IQSEC1: variants seen among roughly 807,000 people sequenced by gnomAD.
The protein encoded by IQSEC1 is IQ motif and Sec7 domain ArfGEF 1.
Under a neutral mutation model 91.0 loss-of-function variants are expected in IQSEC1, and 31 were observed. The observed-to-expected ratio is 0.34, with a 90% CI of 0.26 to 0.46. The LOEUF is 0.46. Among genes scored for constraint, IQSEC1 ranks in the 20% least tolerant of loss-of-function variants. The probability of loss-of-function intolerance (pLI) is 1.00; values close to 1 mark genes in which losing one functional copy is unlikely to be tolerated. For synonymous variants in IQSEC1, 699 were observed against 662.6 expected, an observed-to-expected ratio of 1.05 and a Z score of -0.84; for missense variants, 1,388 against 1,575.6, an observed-to-expected ratio of 0.88 and a Z score of 2.02.
intron 1 of IQSEC1, among the ~76,000 whole-genome samples, chr3:13,052,111 C>T (rs549112162): frequency 3.9e-5 from 6 of 152,276 alleles, no homozygotes; most frequent in Admixed American, 3.3e-4. Context: ...CCACATGGTT[C>T]CCTCTCACCT....
intron 1 of IQSEC1, among the ~76,000 whole-genome samples, chr3:12,993,497 T>G (rs1702084973): frequency 1.4e-5 from 2 of 147,128 alleles, no homozygotes; most frequent in South Asian, 2.2e-4. Flanking sequence ...AGAAGCAGGG[T>G]AGTGCGGAGT....
At chr3:13,051,190 T>C (rs556208672) in intron 1 of IQSEC1, among the ~76,000 whole-genome samples, 1 of 152,226 alleles carries the variant, frequency 6.6e-6, no homozygotes, top group Non-Finnish European at 1.5e-5. Context: ...CTCCAGCCCC[T>C]CCTCCATCCT....
intron 1 of IQSEC1, among the ~76,000 whole-genome samples, chr3:13,029,510 G>C (rs1703758469): frequency 6.6e-6 from 1 of 152,192 alleles, no homozygotes; most frequent in African/African-American, 2.4e-5. Context: ...TTTGTTGCAG[G>C]CTGTGCCTAT....
chr3:13,137,863 T>C (rs1272662303), intron 2 of IQSEC1, among the ~76,000 whole-genome samples: 2 of 152,112 alleles, frequency 1.3e-5, no homozygotes, highest in Admixed American at 6.5e-5. Context: ...AATGCACATA[T>C]ATAATATGCA....
At chr3:13,058,646 C>T (rs1204512227) in intron 1 of IQSEC1, among the ~76,000 whole-genome samples, 1 of 152,176 alleles carries the variant, frequency 6.6e-6, no homozygotes, top group Admixed American at 6.5e-5. Context: ...GAACCCACCC[C>T]CAGCCTGTGG....
intron 1 of IQSEC1, among the ~76,000 whole-genome samples, chr3:13,014,778 C>A (rs1000501213): frequency 2.0e-5 from 3 of 152,152 alleles, no homozygotes; most frequent in Non-Finnish European, 4.4e-5. Context: ...CAGCTCAGAA[C>A]CCAGGGAACA....
chr3:13,198,727 G>A (rs1162966056), intron 1 of IQSEC1, among the ~76,000 whole-genome samples: 3 of 152,216 alleles, frequency 2.0e-5, no homozygotes, highest in African/African-American at 7.2e-5. Flanking sequence ...GTCTTAGCCT[G>A]TGTTTCTCCA....
intron 2 of IQSEC1, among the ~76,000 whole-genome samples, chr3:13,152,119 A>G (rs997799090): frequency 6.6e-6 from 1 of 152,248 alleles, no homozygotes; most frequent in African/African-American, 2.4e-5. Flanking sequence ...CAATTGCAAT[A>G]GTCAGAGTGG....
At chr3:13,087,871 A>G (rs1046259876) in intron 2 of IQSEC1, among the ~76,000 whole-genome samples, 10 of 152,134 alleles carry the variant, frequency 6.6e-5, no homozygotes. Context: ...ATGGGGGCCG[A>G]ACTTATCCTG....
intron 1 of IQSEC1, among the ~76,000 whole-genome samples, chr3:13,060,904 G>C (rs192946530): frequency 2.6e-5 from 4 of 152,258 alleles, no homozygotes; most frequent in South Asian, 2.1e-4. Flanking sequence ...CTCAGCCCAG[G>C]GGGGAGCCTT....
At chr3:13,068,512 G>C (rs1202646330) in intron 1 of IQSEC1, among the ~76,000 whole-genome samples, 1 of 152,304 alleles carries the variant, frequency 6.6e-6, no homozygotes, top group East Asian at 1.9e-4. Context: ...TGGTTGGGAG[G>C]CCCCAATGCA....
intron 1 of IQSEC1, among the ~76,000 whole-genome samples, chr3:13,046,718 G>A (rs1374212715): frequency 6.6e-6 from 1 of 150,624 alleles, no homozygotes; most frequent in Admixed American, 6.6e-5. Context: ...GCTCCCTTCC[G>A]GGACCACTTG....
At chr3:13,219,482 C>T (rs1273788451) in intron 1 of IQSEC1, among the ~76,000 whole-genome samples, 1 of 152,230 alleles carries the variant, frequency 6.6e-6, no homozygotes, top group Non-Finnish European at 1.5e-5. Flanking sequence ...CAAGGATGTG[C>T]CCCCACCCCC....
chr3:13,136,072 C>CCGCCTG (rs1223997760), intron 2 of IQSEC1, among the ~76,000 whole-genome samples: 1 of 152,228 alleles, frequency 6.6e-6, no homozygotes, highest in Non-Finnish European at 1.5e-5. Context: ...CCCCACAGGG[C>CCGCCTG]CGCCTGCGGG....
intron 1 of IQSEC1, among the ~76,000 whole-genome samples, chr3:13,267,172 C>T (rs1395763937): frequency 3.9e-5 from 6 of 152,160 alleles, no homozygotes; most frequent in African/African-American, 1.2e-4. Context: ...GAAAGCTCCT[C>T]GCCTCTCCAA....
chr3:12,913,298 A>G, intron 9 of IQSEC1, 130 bp downstream of exon 9: 1 of 963,784 alleles, frequency 1.0e-6, no homozygotes, highest in Non-Finnish European at 1.5e-6. Context: ...TCAGTGTGAA[A>G]GACACCAGGC....
chr3:13,195,612 C>T (rs946624260), intron 1 of IQSEC1, among the ~76,000 whole-genome samples: 3 of 152,120 alleles, frequency 2.0e-5, no homozygotes, highest in African/African-American at 4.8e-5. Context: ...GTGAAGAAAG[C>T]CAATCTCAAA....
chr3:13,268,242 C>A (rs1259555529), intron 1 of IQSEC1, among the ~76,000 whole-genome samples: 4 of 152,242 alleles, frequency 2.6e-5, no homozygotes, highest in Non-Finnish European at 5.9e-5. Context: ...TCCCACAGAC[C>A]AGGTCCATGT....
intron 1 of IQSEC1, among the ~76,000 whole-genome samples, chr3:13,244,369 C>T (rs1364815697): frequency 1.3e-5 from 2 of 152,112 alleles, no homozygotes; most frequent in Non-Finnish European, 2.9e-5. Flanking sequence ...ACTTAGAAAT[C>T]GCTCCTCTAC....
Sources: allele counts gnomAD v4.1 joint callset (sites outside exome capture counted in the v4.1 genomes callset), GRCh38; gene constraint gnomAD v4.1.1; transcripts MANE v1.5; gene names NCBI Gene and HGNC (gene_info 2026-07-23, HGNC 2026-07-21).